GLB1L: variants seen among roughly 807,000 people sequenced by gnomAD.
GLB1L encodes the protein galactosidase beta 1 like.
A neutral mutation model predicts 75.7 loss-of-function variants in GLB1L; 58 were observed. That is an observed-to-expected ratio of 0.77 (90% CI 0.62 to 0.95). The LOEUF is 0.95. Ranked by LOEUF, GLB1L falls within the 40% of genes least tolerant of loss-of-function variation. The probability of loss-of-function intolerance (pLI) is 0.00; values close to 1 mark genes in which losing one functional copy is unlikely to be tolerated. For synonymous variants in GLB1L, 296 were observed against 303.0 expected, an observed-to-expected ratio of 0.98 and a Z score of 0.24; for missense variants, 797 against 805.5, an observed-to-expected ratio of 0.99 and a Z score of 0.13.
chr2:219,243,038 C>G, intron 3 of GLB1L, 110 bp downstream of exon 3: 1 of 1,546,852 alleles, frequency 6.5e-7, no homozygotes, highest in South Asian at 1.2e-5. Flanking sequence ...CTGCCCTTTC[C>G]CACCCTTGGC....
In GLB1L at chr2:219,237,067, A is replaced by AC. The variant is rs982271666; in HGVS notation, c.*4dup. On this transcript the variant is annotated 3_prime_UTR_variant, in exon 17 of 17. Coordinates refer to ENST00000295759, the MANE Select transcript of GLB1L (RefSeq NM_001286423.2). ...AGGCATGAGCCACCATGCCCGGCCT[A>AC]CCTTTCAGTGCCCACTTAACTCCAT... 1 of 1,597,808 alleles carries AC rather than the reference A, an allele frequency of 6.3e-7. No individual in the cohort carries two copies. The highest frequency in any genetic ancestry group is 1.3e-5 in the African/African-American group (1 of 74,570).
chr2:219,237,880 G>C lies in GLB1L; in HGVS notation c.1419C>G (p.Ile473Met). ...TGAGCCTCCCCATGTTCTCCACCAA[G>C]ATATCCAGTTTGGACCCCAGTTTCC... The part of the protein sequence containing the change: ...LTGKLGSKLD[I>M]LVENMGRLSF... Residue 473 changes from isoleucine to methionine, a missense_variant, in exon 15 of 17, where the codon ATC becomes ATG. Transcript: ENST00000295759. 5 of 1,614,176 alleles carry C rather than the reference G, an allele frequency of 3.1e-6. No individual in the cohort carries two copies. The highest frequency in any genetic ancestry group is 4.2e-6 in the Non-Finnish European group (5 of 1,180,022).
intron 14 of GLB1L, 68 bp from the exon 15 acceptor site, chr2:219,238,025 C>T (rs1951293380): frequency 2.0e-6 from 3 of 1,500,012 alleles, no homozygotes; most frequent in Non-Finnish European, 2.8e-6. Flanking sequence ...TAGGAAACCA[C>T]ACATTAGGAT....
intron 10 of GLB1L, 36 bp downstream of exon 10, chr2:219,239,375 C>T (rs780222765): frequency 3.9e-6 from 6 of 1,556,844 alleles, no homozygotes; most frequent in African/African-American, 1.4e-5. Flanking sequence ...TCCTTGTTAC[C>T]TCCCTGCTTC....
rs779311877 is a variant in GLB1L at position 219,242,508 on chromosome 2, A to G, written c.451+6T>C. On this transcript the variant is annotated splice_donor_region_variant and intron_variant, in intron 5 of 16. Coordinates refer to ENST00000295759, the MANE Select transcript of GLB1L (RefSeq NM_001286423.2). ...CTTCTGTGTTAAATCCTTTGTCTCAACTCACCTGGATCTGAGGTTCTTAGA... is the reference window on the plus strand; with the variant it reads ...CTTCTGTGTTAAATCCTTTGTCTCAGCTCACCTGGATCTGAGGTTCTTAGA... 8.7e-6 allele frequency: 14 copies of G among 1,609,638 alleles called. No homozygotes were observed. The South Asian group carries it at 1.4e-4, about 16-fold the overall frequency.
At position 219,239,595 on chromosome 2, in the gene GLB1L, C is replaced by T; in HGVS notation, c.868G>A (p.Glu290Lys). The change falls in exon 9 of 17, where the codon GAG (glutamate) becomes AAG (lysine). Residue 290 changes from glutamate (E) to lysine (K), a missense_variant. Transcript: ENST00000295759. ...CTGGCTCCCAACTTGAGCATGTTCT[C>T]TAGTCCTTTGGTTACAGCTGACACA... ...RSVSAVTKGL[E>K]NMLKLGASVN... 12 of 1,614,186 alleles carry T rather than the reference C, an allele frequency of 7.4e-6. No individual in the cohort carries two copies. The highest frequency in any genetic ancestry group is 1.3e-5 in the African/African-American group (1 of 75,040).
intron 14 of GLB1L, 73 bp downstream of exon 14, chr2:219,238,177 T>C (rs1951298248): frequency 8.6e-7 from 1 of 1,167,340 alleles, no homozygotes; most frequent in Non-Finnish European, 1.2e-6. Flanking sequence ...AGTGTAAATA[T>C]GGGGAACTTA....
At position 219,236,653 on chromosome 2, in the gene GLB1L, GTGTACT is replaced by G. The variant is rs1951248186; in HGVS notation, c.*413_*418del. On this transcript the variant is annotated 3_prime_UTR_variant, in exon 17 of 17. Coordinates refer to ENST00000295759, the MANE Select transcript of GLB1L (RefSeq NM_001286423.2). ...ATCACAATAAAGTTTGGCAAGGAATGTGTACTTGTACTTACATTCAGAGGCACTGTG... is the reference window on the plus strand; with the variant it reads ...ATCACAATAAAGTTTGGCAAGGAATGTGTACTTACATTCAGAGGCACTGTG... 1.5e-6 allele frequency: 1 copy of G among 668,198 alleles called. No individual in the cohort carries two copies. The highest frequency in any genetic ancestry group is 2.4e-6 in the Non-Finnish European group (1 of 421,962). 41.4% of individuals were successfully genotyped at this position (668,198 alleles called of 1,614,324 possible).
In GLB1L at chr2:219,237,905, C is replaced by A; in HGVS notation, c.1394G>T (p.Gly465Val). 1.9e-6 allele frequency: 3 copies of A among 1,614,142 alleles called. No individual in the cohort carries two copies. Among genetic ancestry groups the A allele is most frequent in the Non-Finnish European group, 2.5e-6 (3 of 1,180,020 alleles). Residue 465 changes from glycine (G) to valine (V), a missense_variant, in exon 15 of 17, where the codon GGG becomes GTG. By Grantham distance (109) the Gly-to-Val change is moderately radical (BLOSUM62 -3). Transcript: ENST00000295759. The stretch of plus-strand genomic sequence containing the variant: ...GATATCCAGTTTGGACCCCAGTTTC[C>A]CCGTCAAAAATAGTTTGTCTCTCAT... The part of the protein sequence containing the change: ...RNMRDKLFLT[G>V]KLGSKLDILV...
chr2:219,240,767 G>C (rs563478858), intron 5 of GLB1L, among the ~76,000 whole-genome samples: 49 of 150,066 alleles, frequency 3.3e-4, no homozygotes, highest in African/African-American at 1.2e-3. Flanking sequence ...CAAAAATGGT[G>C]GTATATGGGG....
Position 219,245,391 on chromosome 2 carries a change from CT to C in GLB1L, c.-234del, listed in dbSNP as rs1691985803. 6.6e-6 allele frequency: 1 copy of C among 152,506 alleles called. No homozygotes were observed. Among genetic ancestry groups the C allele is most frequent in the Non-Finnish European group, 1.5e-5 (1 of 68,112 alleles). 9.4% of individuals were successfully genotyped at this position (152,506 alleles called of 1,614,324 possible). A position where few individuals can be genotyped will look rare whatever the true frequency, so the allele number is the denominator to read the frequency against. Reference sequence around the variant, plus strand: ...CCCCTACACCTAGCTAGCCCGGAGCCTCTCAGCTCCGCGTCCCCACATCCTC... The same window carrying C: ...CCCCTACACCTAGCTAGCCCGGAGCCCTCAGCTCCGCGTCCCCACATCCTC... On this transcript the variant is annotated 5_prime_UTR_variant, in exon 1 of 17. An upstream open reading frame in the 5' UTR loses its in-frame stop. Coordinates refer to ENST00000295759, the MANE Select transcript of GLB1L (RefSeq NM_001286423.2).
intron 1 of GLB1L, chr2:219,243,898 G>T (rs1951461861): frequency 7.2e-6 from 2 of 276,188 alleles, no homozygotes; most frequent in Non-Finnish European, 1.4e-5. Context: ...CTTGAGGTCA[G>T]GAGTTCAAGA....
intron 5 of GLB1L, among the ~76,000 whole-genome samples, chr2:219,240,618 C>T (rs1951363366): frequency 1.3e-5 from 2 of 152,116 alleles, no homozygotes; most frequent in Non-Finnish European, 2.9e-5. Flanking sequence ...GTGGCGGGTG[C>T]CTGTAATCCC....
chr2:219,239,877 G>T (rs1219507900), intron 7 of GLB1L, 43 bp downstream of exon 7: 1 of 1,614,142 alleles, frequency 6.2e-7, no homozygotes, highest in Non-Finnish European at 8.5e-7. Flanking sequence ...TCGTGGAAGA[G>T]GTGTCCTTTC....
At chr2:219,242,941 G>A (rs762477494) in intron 3 of GLB1L, 23 bp from the exon 4 acceptor site, 28 of 1,613,816 alleles carry the variant, frequency 1.7e-5, no homozygotes, top group East Asian at 2.2e-5. Context: ...GAGGTTAATA[G>A]GAACCAAGGT....
In GLB1L at chr2:219,236,963, A is replaced by C. The variant is rs1366502310; in HGVS notation, c.*109T>G. On this transcript the variant is annotated 3_prime_UTR_variant, in exon 17 of 17. Coordinates refer to ENST00000295759, the MANE Select transcript of GLB1L (RefSeq NM_001286423.2). ...GTATTTTTAGTGGAGACGGGGTTTCACCATGTTGGCCAGGCTGGTCTTGAA... is the reference window on the plus strand; with the variant it reads ...GTATTTTTAGTGGAGACGGGGTTTCCCCATGTTGGCCAGGCTGGTCTTGAA... 1.3e-6 allele frequency: 1 copy of C among 756,152 alleles called. No individual in the cohort carries two copies. Among genetic ancestry groups the C allele is most frequent in the African/African-American group, 1.8e-5 (1 of 56,752 alleles). The allele number at this position is 756,152 out of a possible 1,614,324, so 46.8% of individuals were successfully genotyped here. A position where few individuals can be genotyped will look rare whatever the true frequency, so the allele number is the denominator to read the frequency against.
Position 219,241,666 on chromosome 2 carries a change from G to A in GLB1L, c.451+848C>T, listed in dbSNP as rs533471377. On this transcript the variant is annotated intron_variant, in intron 5 of 16. Coordinates refer to ENST00000295759, the MANE Select transcript of GLB1L (RefSeq NM_001286423.2). ...CATGGGGGAGAAGAGCAATAATGTC[G>A]AGGAGGTGACTGGGGCCAATTGTGT... is the stretch of plus-strand genomic sequence containing the variant. Among the ~76,000 whole-genome samples the A allele has an allele frequency of 2.2e-4, 34 of 151,688 alleles. No individual in the cohort carries two copies. In the South Asian group the frequency reaches 5.2e-3, roughly 23 times the overall value.
chr2:219,243,042 C>T lies in GLB1L; in HGVS notation c.239+106G>A, dbSNP rs1445808999. 6 of 1,549,124 alleles carry T rather than the reference C, an allele frequency of 3.9e-6. No individual in the cohort carries two copies. The South Asian group carries it at 4.8e-5, about 12-fold the overall frequency. On this transcript the variant is annotated intron_variant, in intron 3 of 16. Coordinates refer to ENST00000295759, the MANE Select transcript of GLB1L (RefSeq NM_001286423.2). ...GAGGTCCTGGCCTGCCCTTTCCCAC[C>T]CTTGGCCTAGGAGTCCTGGCAGTCT...
chr2:219,241,412 ATG>A (rs745647003), intron 5 of GLB1L, among the ~76,000 whole-genome samples: 2,448 of 102,296 alleles, frequency 0.024, 93 homozygotes, highest in African/African-American at 0.065. Context: ...ATATATATAT[ATG>A]TGTGTGTGTG....
Sources: allele counts gnomAD v4.1 joint callset (sites outside exome capture counted in the v4.1 genomes callset), GRCh38; gene constraint gnomAD v4.1.1; transcripts MANE v1.5; gene names NCBI Gene and HGNC (gene_info 2026-07-23, HGNC 2026-07-21).